GCNT2: variants seen among roughly 807,000 people sequenced by gnomAD.
GCNT2 encodes the protein N-acetyllactosaminide beta-1,6-N-acetylglucosaminyl-transferase.
A neutral mutation model predicts 34.2 loss-of-function variants in GCNT2; 34 were observed. The observed-to-expected ratio is 1.00, with a 90% CI of 0.76 to 1.32. The LOEUF is 1.32. Among genes scored for constraint, GCNT2 ranks in the 40% most tolerant of loss-of-function variants. The pLI is 0.00. For missense variants in GCNT2, 584 were observed against 489.4 expected, an observed-to-expected ratio of 1.19 and a Z score of -1.82; for synonymous variants, 212 against 188.0, an observed-to-expected ratio of 1.13 and a Z score of -1.04.
At chr6:10,620,021 C>T (rs575052404) in intron 3 of GCNT2, among the ~76,000 whole-genome samples, 1 of 152,302 alleles carries the variant, frequency 6.6e-6, no homozygotes, top group Non-Finnish European at 1.5e-5. Flanking sequence ...TTACATTTGG[C>T]TCACCCAGAT....
intron 3 of GCNT2, chr6:10,557,197 T>G (rs747394127): frequency 6.4e-7 from 1 of 1,560,920 alleles, no homozygotes; most frequent in Non-Finnish European, 8.6e-7. Context: ...ATCTCACAAT[T>G]TACTTTGGCT....
At chr6:10,610,353 G>C (rs1765496759) in intron 3 of GCNT2, among the ~76,000 whole-genome samples, 1 of 152,316 alleles carries the variant, frequency 6.6e-6, no homozygotes, top group African/African-American at 2.4e-5. Context: ...ACATGTCTGG[G>C]AATATGGAAG....
intron 3 of GCNT2, among the ~76,000 whole-genome samples, chr6:10,578,787 T>C (rs79356494): frequency 0.03 from 4,619 of 152,202 alleles, 205 homozygotes; most frequent in African/African-American, 0.1. Flanking sequence ...TGGAAAAGGA[T>C]AAGCATACAA....
intron 3 of GCNT2, among the ~76,000 whole-genome samples, chr6:10,572,973 A>G (rs930113793): frequency 6.6e-6 from 1 of 152,216 alleles, no homozygotes; most frequent in Admixed American, 6.5e-5. Flanking sequence ...GTCTAAACTC[A>G]GGCAAATGGC....
chr6:10,598,655 C>T (rs1170471047), intron 3 of GCNT2, among the ~76,000 whole-genome samples: 2 of 152,200 alleles, frequency 1.3e-5, no homozygotes, highest in Non-Finnish European at 2.9e-5. Flanking sequence ...TCTGATTGTT[C>T]TTAATGTAGC....
chr6:10,551,401 A>G lies in GCNT2; in HGVS notation c.925+21565A>G, dbSNP rs140841395. Among the ~76,000 whole-genome samples, 989 of 151,268 alleles carry G rather than the reference A, an allele frequency of 6.5e-3. 11 individuals are homozygous for G. Among genetic ancestry groups the G allele is most frequent in the African/African-American group, 0.022 (925 of 41,344 alleles). On this transcript the variant is annotated intron_variant, in intron 3 of 4. Coordinates refer to ENST00000495262, the MANE Select transcript of GCNT2 (RefSeq NM_145649.5). ...AAACTTCTTTCCCCGCCTCTGAGAT[A>G]ATTTATTTTTTATTTTTTAATTTTT...
At position 10,567,509 on chromosome 6, in the gene GCNT2, C is replaced by T. The variant is rs141080430; in HGVS notation, c.925+37673C>T. 7.2e-5 allele frequency among the ~76,000 whole-genome samples: 11 copies of T among 152,292 alleles called. 1 individual carries two copies. In the East Asian group the frequency reaches 1.5e-3, roughly 21 times the overall value. ...AGACTGACCATGTTGGAATGTGGTG[C>T]ATTCCTAAGGGATATCTCTAGAGGA... On this transcript the variant is annotated intron_variant, in intron 3 of 4. Transcript: ENST00000495262.
chr6:10,611,934 G>A (rs1765577102), intron 3 of GCNT2, among the ~76,000 whole-genome samples: 1 of 151,684 alleles, frequency 6.6e-6, no homozygotes, highest in Admixed American at 6.6e-5. Flanking sequence ...TTTGTGCATG[G>A]TTTATTAATA....
At chr6:10,603,621 T>C (rs905581748) in intron 3 of GCNT2, among the ~76,000 whole-genome samples, 1 of 151,740 alleles carries the variant, frequency 6.6e-6, no homozygotes, top group African/African-American at 2.4e-5. Flanking sequence ...GTTCAAGTGA[T>C]CGTTGTGCCT....
chr6:10,565,780 C>T (rs1362506737), intron 3 of GCNT2, among the ~76,000 whole-genome samples: 3 of 152,062 alleles, frequency 2.0e-5, no homozygotes, highest in Admixed American at 2.0e-4. Context: ...CCACTTCTGG[C>T]GCCGTCGTCT....
chr6:10,603,515 A>T (rs1765166361), intron 3 of GCNT2, among the ~76,000 whole-genome samples: 1 of 152,038 alleles, frequency 6.6e-6, no homozygotes, highest in African/African-American at 2.4e-5. Flanking sequence ...CATAAGCCAC[A>T]GTCTTTTTTT....
intron 3 of GCNT2, among the ~76,000 whole-genome samples, chr6:10,618,290 C>T (rs1279874024): frequency 6.6e-6 from 1 of 152,118 alleles, no homozygotes; most frequent in African/African-American, 2.4e-5. Flanking sequence ...TGTTTGACAC[C>T]TGTCATCAAA....
chr6:10,556,624 T>C, intron 3 of GCNT2: 1 of 1,614,158 alleles, frequency 6.2e-7, no homozygotes, highest in Non-Finnish European at 8.5e-7. Flanking sequence ...TAATGATCCA[T>C]GAGAAGTCTT....
At chr6:10,564,789 T>C (rs1374901528) in intron 3 of GCNT2, among the ~76,000 whole-genome samples, 2 of 152,228 alleles carry the variant, frequency 1.3e-5, no homozygotes, top group African/African-American at 4.8e-5. Context: ...TGGATATTCA[T>C]TTAATAAATA....
rs1766159091 is a variant in GCNT2 at position 10,624,060 on chromosome 6, TAAGAC to T, written c.1019-2354_1019-2350del. 2.0e-5 allele frequency among the ~76,000 whole-genome samples: 3 copies of T among 152,128 alleles called. No homozygotes were observed. The South Asian group carries it at 6.2e-4, about 32-fold the overall frequency. ...GGTGGGGAGTGTTGCGGAACTCTCTTAAGACAAACCCACCATTGGGTCCTGTCATC... is the reference window on the plus strand; with the variant it reads ...GGTGGGGAGTGTTGCGGAACTCTCTTAAACCCACCATTGGGTCCTGTCATC... On this transcript the variant is annotated intron_variant, in intron 4 of 4. Transcript: ENST00000495262.
At chr6:10,556,641 A>G (rs1561796654) in intron 3 of GCNT2, 2 of 1,614,172 alleles carry the variant, frequency 1.2e-6, no homozygotes, top group Non-Finnish European at 1.7e-6. Context: ...TCTTCTTGCA[A>G]GGAATACTTG....
intron 3 of GCNT2, among the ~76,000 whole-genome samples, chr6:10,540,678 G>A (rs1476142914): frequency 1.3e-5 from 2 of 152,214 alleles, no homozygotes; most frequent in Non-Finnish European, 2.9e-5. Flanking sequence ...AGAAATGGAA[G>A]AGAAATCGTC....
At chr6:10,617,001 TG>T (rs57345380) in intron 3 of GCNT2, among the ~76,000 whole-genome samples, 19,668 of 152,238 alleles carry the variant, frequency 0.13, 2,081 homozygotes, top group African/African-American at 0.28. Flanking sequence ...CTTTACCCAG[TG>T]GATCCCGCAC....
intron 3 of GCNT2, among the ~76,000 whole-genome samples, chr6:10,547,144 G>A (rs1196844092): frequency 6.6e-6 from 1 of 152,072 alleles, no homozygotes; most frequent in East Asian, 1.9e-4. Flanking sequence ...TTGTACACTT[G>A]CCTAATCATA....
Sources: gnomAD v4.1 joint callset for allele counts (sites outside exome capture counted in the v4.1 genomes callset) on GRCh38, gnomAD v4.1.1 for gene constraint, MANE v1.5 for transcripts, NCBI Gene and HGNC (gene_info 2026-07-23, HGNC 2026-07-21) for gene names.